Variants in SCLT1 observed in about 807,000 individuals in gnomAD.
SCLT1 encodes sodium channel-associated protein 1.
SCLT1 carries 78 observed loss-of-function variants against 112.8 expected under a neutral mutation model. That is an observed-to-expected ratio of 0.69 (90% CI 0.58 to 0.83). The LOEUF (loss-of-function observed/expected upper bound fraction) is 0.83, where lower values mean the gene tolerates loss of function less well. Ranked by LOEUF, SCLT1 falls within the 40% of genes least tolerant of loss-of-function variation. The pLI is 0.00. For synonymous variants in SCLT1, 257 were observed against 254.7 expected (o/e 1.01, Z -0.09); for missense variants, 747 against 770.4 (o/e 0.97, Z 0.36).
intron 10 of SCLT1, among the ~76,000 whole-genome samples, chr4:128,968,040 T>C (rs1390244078): frequency 6.6e-6 from 1 of 152,238 alleles, no homozygotes; most frequent in Non-Finnish European, 1.5e-5. Context: ...ATTCTCTTCA[T>C]AATTGGCTGT....
chr4:128,948,477 A>G lies in SCLT1; in HGVS notation c.1293+19T>C. On this transcript the variant is annotated intron_variant, in intron 15 of 20. Transcript: ENST00000281142. ...TTGCAGTTGGGTTTTAGGTAGTTATATTTCCTTTTTCTTTTTACCTTTTCT... is the reference window on the plus strand; with the variant it reads ...TTGCAGTTGGGTTTTAGGTAGTTATGTTTCCTTTTTCTTTTTACCTTTTCT... The G allele has an allele frequency of 6.2e-7, 1 of 1,602,384 alleles. No individual in the cohort carries two copies. The highest frequency in any genetic ancestry group is 8.5e-7 in the Non-Finnish European group (1 of 1,176,150).
rs138036254 is a variant in SCLT1, at chr4:129,020,285, T to TTA, written c.291-16411_291-16410dup. ...AGTAAGGTCCTCCATAAATACACTC[T>TTA]TATATATATACTGGATATGTTACAG... is the stretch of plus-strand genomic sequence containing the variant. On this transcript the variant is annotated intron_variant, in intron 5 of 20. Transcript: ENST00000281142. Among the ~76,000 whole-genome samples, 570 of 152,292 alleles carry TTA rather than the reference T, an allele frequency of 3.7e-3. 1 individual carries two copies. Among genetic ancestry groups the TTA allele is most frequent in the African/African-American group, 0.011 (470 of 41,560 alleles).
In SCLT1 at chr4:128,999,609, AAC is replaced by A. The variant is rs1486499833; in HGVS notation, c.549+61_549+62del. ...TAGAGTCTTAAGCGTTCCCCTCTAA[AAC>A]AGTTTCTTCAGAGTGCAATTTCTTA... is the stretch of plus-strand genomic sequence containing the variant. On this transcript the variant is annotated intron_variant, in intron 7 of 20. Transcript: ENST00000281142. 3 of 1,313,506 alleles carry A rather than the reference AAC, an allele frequency of 2.3e-6. No homozygotes were observed. The African/African-American group carries it at 4.4e-5, about 19-fold the overall frequency. 81.4% of individuals were successfully genotyped at this position (1,313,506 alleles called of 1,614,324 possible). A position where few individuals can be genotyped will look rare whatever the true frequency, so the allele number is the denominator to read the frequency against.
chr4:128,978,972 G>C (rs1380389833), intron 9 of SCLT1, among the ~76,000 whole-genome samples: 1 of 152,062 alleles, frequency 6.6e-6, no homozygotes, highest in African/African-American at 2.4e-5. Flanking sequence ...GATTTCCCAG[G>C]TCTGGGGGGT....
intron 9 of SCLT1, among the ~76,000 whole-genome samples, chr4:128,979,626 C>A (rs1741475571): frequency 6.6e-6 from 1 of 152,184 alleles, no homozygotes; most frequent in Non-Finnish European, 1.5e-5. Flanking sequence ...GGCAGAGCCA[C>A]AATAAAAAAC....
intron 5 of SCLT1, among the ~76,000 whole-genome samples, chr4:129,023,839 A>G (rs1745733784): frequency 6.6e-6 from 1 of 152,160 alleles, no homozygotes. Flanking sequence ...CCACCCTAAT[A>G]CTGCGCTTTT....
chr4:128,994,951 A>C (rs1012370073), intron 8 of SCLT1, among the ~76,000 whole-genome samples: 2 of 152,110 alleles, frequency 1.3e-5, no homozygotes, highest in African/African-American at 4.8e-5. Context: ...TACGGTCTGC[A>C]AATATTTTGT....
intron 9 of SCLT1, among the ~76,000 whole-genome samples, chr4:128,975,495 A>G (rs962445881): frequency 1.3e-5 from 2 of 152,226 alleles, no homozygotes; most frequent in Non-Finnish European, 2.9e-5. Flanking sequence ...AACATCAAGT[A>G]CAATGAGTCT....
chr4:129,056,924 A>G (rs1749449944), intron 2 of SCLT1, among the ~76,000 whole-genome samples: 1 of 152,214 alleles, frequency 6.6e-6, no homozygotes, highest in African/African-American at 2.4e-5. Flanking sequence ...TAGGAAGAAA[A>G]AACTTTCAAC....
At chr4:129,016,879 T>G (rs1160783392) in intron 5 of SCLT1, among the ~76,000 whole-genome samples, 1 of 152,196 alleles carries the variant, frequency 6.6e-6, no homozygotes, top group Admixed American at 6.5e-5. Context: ...ATTTTATAGT[T>G]TTGTCTGAAC....
intron 5 of SCLT1, among the ~76,000 whole-genome samples, chr4:129,022,397 G>A (rs962344452): frequency 6.6e-6 from 1 of 152,182 alleles, no homozygotes; most frequent in Non-Finnish European, 1.5e-5. Context: ...TAGGAACCTT[G>A]ACAAAAGTTT....
At chr4:128,999,325 A>C (rs971309304) in intron 7 of SCLT1, among the ~76,000 whole-genome samples, 1 of 151,976 alleles carries the variant, frequency 6.6e-6, no homozygotes, top group Non-Finnish European at 1.5e-5. Context: ...ATAAACTAAT[A>C]AACAATTTTG....
chr4:128,984,348 GC>G (rs147779471), intron 9 of SCLT1, among the ~76,000 whole-genome samples: 1,857 of 152,224 alleles, frequency 0.012, 22 homozygotes, highest in South Asian at 0.028. Context: ...CACTAGATTA[GC>G]AGTTACAAGA....
At chr4:129,029,568 C>T (rs1579770363) in intron 5 of SCLT1, among the ~76,000 whole-genome samples, 2 of 151,546 alleles carry the variant, frequency 1.3e-5, no homozygotes, top group African/African-American at 4.8e-5. Context: ...AGGAGATATA[C>T]CTAATGCTAA....
chr4:128,991,249 G>T (rs1375112203), intron 9 of SCLT1, among the ~76,000 whole-genome samples: 1 of 151,730 alleles, frequency 6.6e-6, no homozygotes, highest in Non-Finnish European at 1.5e-5. Flanking sequence ...ACTGAACAGA[G>T]AACCCAGAAA....
Position 129,009,556 on chromosome 4 carries a change from T to C in SCLT1, c.291-5680A>G, listed in dbSNP as rs75824930. On this transcript the variant is annotated intron_variant, in intron 5 of 20. Transcript: ENST00000281142. ...AAAAAGAATCCAAACTGCTTTCCAC[T>C]AGTGGCTGAACTAGTTTCTGTTTCT... Among the ~76,000 whole-genome samples, 12 of 151,788 alleles carry C rather than the reference T, an allele frequency of 7.9e-5. No individual in the cohort carries two copies. In the East Asian group the frequency reaches 2.3e-3, roughly 29 times the overall value.
chr4:128,894,829 C>T (rs943602012), intron 18 of SCLT1, among the ~76,000 whole-genome samples: 10 of 152,150 alleles, frequency 6.6e-5, no homozygotes, highest in African/African-American at 2.4e-4. Flanking sequence ...AGGCACCCAC[C>T]ACCATGCCCA....
chr4:129,063,369 C>T (rs908865109), intron 2 of SCLT1, among the ~76,000 whole-genome samples: 2 of 152,212 alleles, frequency 1.3e-5, no homozygotes, highest in African/African-American at 4.8e-5. Context: ...CAGCCATTAC[C>T]GTTTAGGGAG....
At chr4:128,971,565 T>G (rs902002497) in intron 9 of SCLT1, 1 of 152,284 alleles carries the variant, frequency 6.6e-6, no homozygotes, top group African/African-American at 2.4e-5. Flanking sequence ...AGAGCAAGGT[T>G]GATAGAGGTT....
Sources: allele counts gnomAD v4.1 joint callset (sites outside exome capture counted in the v4.1 genomes callset), GRCh38; gene constraint gnomAD v4.1.1; transcripts MANE v1.5; gene names NCBI Gene and HGNC (gene_info 2026-07-23, HGNC 2026-07-21).